The following TMEM181 variants were observed in gnomAD, a reference collection of about 807,000 sequenced individuals.
TMEM181 encodes the protein G protein-coupled receptor 178.
A neutral mutation model predicts 71.9 loss-of-function variants in TMEM181; 39 were observed. The ratio of observed to expected loss-of-function variants is 0.54; its 90% CI spans 0.42 to 0.71. The LOEUF (loss-of-function observed/expected upper bound fraction) is 0.71. TMEM181 is among the 30% of genes least tolerant of loss of function. The probability of loss-of-function intolerance (pLI) is 0.00; values close to 1 mark genes in which losing one functional copy is unlikely to be tolerated. For missense variants in TMEM181, 595 were observed against 583.0 expected (o/e 1.02, Z -0.21); for synonymous variants, 245 against 228.8 (o/e 1.07, Z -0.64).
upstream of TMEM181, among the ~76,000 whole-genome samples, chr6:158,556,658 G>A (rs1781900365): frequency 6.6e-6 from 1 of 152,198 alleles, no homozygotes; most frequent in Admixed American, 6.5e-5. Context: ...GATGGTCTTT[G>A]TGCAAGGTTA....
At chr6:158,612,613 C>T (rs1785397152) in intron 10 of TMEM181, among the ~76,000 whole-genome samples, 1 of 152,226 alleles carries the variant, frequency 6.6e-6, no homozygotes, top group African/African-American at 2.4e-5. Context: ...TTGGTATTCG[C>T]TTAGCATTTT....
chr6:158,597,560 G>A (rs1784447882), intron 6 of TMEM181, among the ~76,000 whole-genome samples: 1 of 151,760 alleles, frequency 6.6e-6, no homozygotes, highest in African/African-American at 2.4e-5. Flanking sequence ...GAGTGCAGTG[G>A]CACGATCACA....
chr6:158,587,128 T>C (rs1269622005), intron 5 of TMEM181, among the ~76,000 whole-genome samples: 1 of 152,234 alleles, frequency 6.6e-6, no homozygotes, highest in Non-Finnish European at 1.5e-5. Flanking sequence ...CCCATCGTCC[T>C]GGTTTGCTTG....
At chr6:158,573,115 C>T (rs1336836208) in intron 1 of TMEM181, among the ~76,000 whole-genome samples, 2 of 152,106 alleles carry the variant, frequency 1.3e-5, no homozygotes, top group African/African-American at 2.4e-5. Flanking sequence ...CCCTGGGGGG[C>T]CTAGGAGCCC....
intron 1 of TMEM181, among the ~76,000 whole-genome samples, chr6:158,538,650 G>A (rs1030383905): frequency 6.6e-6 from 1 of 152,144 alleles, no homozygotes; most frequent in East Asian, 1.9e-4. Context: ...TGTTCTAGGC[G>A]TTGTGAATAC....
Sources: allele counts gnomAD v4.1 joint callset (sites outside exome capture counted in the v4.1 genomes callset), GRCh38; gene constraint gnomAD v4.1.1; transcripts MANE v1.5; gene names NCBI Gene and HGNC (gene_info 2026-07-23, HGNC 2026-07-21).